The following GALNTL6 variants were observed in gnomAD, a reference collection of about 807,000 sequenced individuals.
GALNTL6 encodes polypeptide N-acetylgalactosaminyltransferase-like 6.
A neutral mutation model predicts 73.7 loss-of-function variants in GALNTL6; 46 were observed. That is an observed-to-expected ratio of 0.62 (90% confidence interval 0.49 to 0.80). The LOEUF (loss-of-function observed/expected upper bound fraction) is 0.80, where lower values mean the gene tolerates loss of function less well. Among genes scored for constraint, GALNTL6 ranks in the 30% least tolerant of loss-of-function variants. The probability of loss-of-function intolerance (pLI) is 0.00; values close to 1 mark genes in which losing one functional copy is unlikely to be tolerated. For synonymous variants in GALNTL6, 259 were observed against 263.7 expected (o/e 0.98, Z 0.17); for missense variants, 604 against 755.0 (o/e 0.80, Z 2.34).
At chr4:172,174,722 T>G (rs1734938544) in intron 2 of GALNTL6, among the ~76,000 whole-genome samples, 1 of 152,108 alleles carries the variant, frequency 6.6e-6, no homozygotes, top group East Asian at 1.9e-4. Context: ...TGTGGATCCC[T>G]TCATATTCTA....
chr4:172,362,427 G>A (rs1742404037), intron 5 of GALNTL6, among the ~76,000 whole-genome samples: 1 of 151,970 alleles, frequency 6.6e-6, no homozygotes, highest in South Asian at 2.1e-4. Context: ...GACCCTCTCT[G>A]CTTCATTTGG....
At chr4:172,335,735 A>T (rs1741293283) in intron 4 of GALNTL6, among the ~76,000 whole-genome samples, 1 of 152,000 alleles carries the variant, frequency 6.6e-6, no homozygotes, top group African/African-American at 2.4e-5. Context: ...GTGTGTATAG[A>T]TGTGGTCGTA....
In GALNTL6 at chr4:172,069,476, T is replaced by C. The variant is rs1172678496; in HGVS notation, c.139-160180T>C. On this transcript the variant is annotated intron_variant, in intron 2 of 12. Coordinates refer to ENST00000506823, the MANE Select transcript of GALNTL6 (RefSeq NM_001034845.3). ...ATATAACACACATATAACATATATG[T>C]TATATATAACACATATGTTATATGT... Among the ~76,000 whole-genome samples the C allele has an allele frequency of 5.6e-5, 2 of 35,598 alleles. 1 individual carries two copies. Among genetic ancestry groups the C allele is most frequent in the African/African-American group, 1.2e-4 (2 of 16,232 alleles). 23.4% of individuals were successfully genotyped at this position (35,598 alleles called of 152,430 possible).
chr4:172,732,136 G>A (rs1579408764), intron 5 of GALNTL6, among the ~76,000 whole-genome samples: 1 of 152,072 alleles, frequency 6.6e-6, no homozygotes, highest in Non-Finnish European at 1.5e-5. Context: ...AGAATGGGAT[G>A]TTAACATCCC....
chr4:172,938,990 G>T (rs1748772025), intron 9 of GALNTL6, among the ~76,000 whole-genome samples: 1 of 152,168 alleles, frequency 6.6e-6, no homozygotes, highest in Non-Finnish European at 1.5e-5. Context: ...CTTCTCTCCT[G>T]ACTTGGTCAC....
chr4:172,749,037 G>A (rs1737275614), intron 5 of GALNTL6, among the ~76,000 whole-genome samples: 1 of 151,198 alleles, frequency 6.6e-6, no homozygotes, highest in Non-Finnish European at 1.5e-5. Context: ...AGCCTCCCAA[G>A]TAGCTGGGAC....
intron 5 of GALNTL6, among the ~76,000 whole-genome samples, chr4:172,631,023 G>T (rs1739372676): frequency 6.6e-6 from 1 of 151,750 alleles, no homozygotes; most frequent in Admixed American, 6.6e-5. Flanking sequence ...ATTGACAATT[G>T]CATAGAGTCA....
At chr4:172,676,157 A>G (rs1732291092) in intron 5 of GALNTL6, among the ~76,000 whole-genome samples, 1 of 152,232 alleles carries the variant, frequency 6.6e-6, no homozygotes, top group Non-Finnish European at 1.5e-5. Context: ...AACTTTTATT[A>G]CTTAGCCATG....
intron 5 of GALNTL6, among the ~76,000 whole-genome samples, chr4:172,767,656 T>G (rs1247841845): frequency 7.6e-6 from 1 of 130,874 alleles, no homozygotes; most frequent in Non-Finnish European, 1.5e-5. Context: ...ACTCAAGAAC[T>G]GATTTTTTTT....
chr4:172,492,812 G>A (rs1490438348), intron 5 of GALNTL6, among the ~76,000 whole-genome samples: 2 of 152,072 alleles, frequency 1.3e-5, no homozygotes, highest in East Asian at 1.9e-4. Flanking sequence ...AACATGCTTA[G>A]GTTTTAATCT....
At chr4:172,972,577 T>G (rs956051508) in intron 10 of GALNTL6, among the ~76,000 whole-genome samples, 3 of 152,342 alleles carry the variant, frequency 2.0e-5, no homozygotes, top group African/African-American at 7.2e-5. Context: ...TAGCTCTCAA[T>G]TGTGGTCTCT....
chr4:172,196,006 GTTTTT>G (rs147919669), intron 2 of GALNTL6, among the ~76,000 whole-genome samples: 5 of 127,216 alleles, frequency 3.9e-5, no homozygotes, highest in Admixed American at 1.6e-4. Flanking sequence ...CAGGAGCTGG[GTTTTT>G]TTTTTTTTTT....
At chr4:172,217,153 G>A (rs952776159) in intron 2 of GALNTL6, among the ~76,000 whole-genome samples, 3 of 152,232 alleles carry the variant, frequency 2.0e-5, no homozygotes, top group African/African-American at 7.2e-5. Flanking sequence ...TGGACTCTTA[G>A]TTAATCTCTT....
chr4:172,505,997 C>A (rs1241148221), intron 5 of GALNTL6, among the ~76,000 whole-genome samples: 1 of 54,056 alleles, frequency 1.8e-5, no homozygotes, highest in African/African-American at 4.6e-5. Flanking sequence ...CAAAAATACA[C>A]CAAGCTCGCA....
At chr4:172,697,871 T>C (rs1733788388) in intron 5 of GALNTL6, among the ~76,000 whole-genome samples, 1 of 152,162 alleles carries the variant, frequency 6.6e-6, no homozygotes, top group Non-Finnish European at 1.5e-5. Flanking sequence ...ACATGTTTAG[T>C]TTTTGACCAT....
At chr4:172,181,806 C>A (rs1266740424) in intron 2 of GALNTL6, among the ~76,000 whole-genome samples, 3 of 150,724 alleles carry the variant, frequency 2.0e-5, no homozygotes, top group African/African-American at 4.9e-5. Context: ...AGCCTCCACT[C>A]CTGGGTTCAT....
At chr4:171,967,456 T>TTTTTTGTTTTTTG (rs1739423862) in intron 2 of GALNTL6, among the ~76,000 whole-genome samples, 4 of 140,708 alleles carry the variant, frequency 2.8e-5, no homozygotes, top group Middle Eastern at 3.7e-3. Context: ...GGTTTTTTTT[T>TTTTTTGTTTTTTG]TTTTTTTTTG....
intron 3 of GALNTL6, among the ~76,000 whole-genome samples, chr4:172,249,255 C>T (rs940298981): frequency 2.6e-5 from 4 of 152,204 alleles, no homozygotes; most frequent in African/African-American, 9.7e-5. Flanking sequence ...TGCAAAGATA[C>T]TGGCAGCATT....
chr4:171,851,660 T>C (rs1387782135), intron 2 of GALNTL6, among the ~76,000 whole-genome samples: 2 of 152,206 alleles, frequency 1.3e-5, no homozygotes, highest in East Asian at 3.8e-4. Context: ...AAAAATGTTA[T>C]CTTTTTTGGG....
Sources: allele counts gnomAD v4.1 joint callset (sites outside exome capture counted in the v4.1 genomes callset), GRCh38; gene constraint gnomAD v4.1.1; transcripts MANE v1.5; gene names NCBI Gene and HGNC (gene_info 2026-07-23, HGNC 2026-07-21).